Variants in IFT140 observed in about 807,000 individuals in gnomAD.
IFT140 encodes intraflagellar transport 140.
In IFT140, 133 loss-of-function variants were observed where a neutral mutation model predicts 164.6. The ratio of observed to expected loss-of-function variants is 0.81; its 90% CI spans 0.70 to 0.93. The LOEUF (loss-of-function observed/expected upper bound fraction) is 0.93, where lower values mean the gene tolerates loss of function less well. Among genes scored for constraint, IFT140 ranks in the 40% least tolerant of loss-of-function variants. IFT140 has a pLI of 0.00. For missense variants in IFT140, 2,045 were observed against 1,972.3 expected (o/e 1.04, Z -0.70); for synonymous variants, 860 against 817.3 (o/e 1.05, Z -0.89).
chr16:1,558,049 A>G lies in IFT140; in HGVS notation c.2285T>C (p.Phe762Ser), dbSNP rs1404476507. The change falls in exon 19 of 31, where the codon TTT becomes TCT. Residue 762 changes from phenylalanine to serine, a missense_variant. Phe to Ser is a radical substitution (Grantham distance 155). Transcript: ENST00000426508. ...CTTGTCGCAGTCCTCCAGCCCCACAAAGTCTCGCAGGGGTCTCCTGGACAC... is the reference window on the plus strand; with the variant it reads ...CTTGTCGCAGTCCTCCAGCCCCACAGAGTCTCGCAGGGGTCTCCTGGACAC... Reference protein sequence around the residue: ...QMVSRRPLRDFVGLEDCDKAT... With the variant: ...QMVSRRPLRDSVGLEDCDKAT... The G allele has an allele frequency of 1.2e-6, 2 of 1,614,030 alleles. No individual in the cohort carries two copies. Among genetic ancestry groups the G allele is most frequent in the East Asian group, 2.2e-5 (1 of 44,880 alleles).
intron 19 of IFT140, chr16:1,534,533 G>A: frequency 1.2e-6 from 2 of 1,605,010 alleles, no homozygotes; most frequent in Non-Finnish European, 1.7e-6. Flanking sequence ...CCGGCTTCCA[G>A]GAGTCCCGAG....
chr16:1,589,363 C>T (rs2035058093), intron 7 of IFT140, among the ~76,000 whole-genome samples: 1 of 152,184 alleles, frequency 6.6e-6, no homozygotes, highest in Admixed American at 6.5e-5. Flanking sequence ...CCCAGGCTGT[C>T]TCCCATCAGG....
In IFT140 at chr16:1,597,203, C is replaced by A. The variant is rs538668483; in HGVS notation, c.370-4615G>T. ...CCCTCAGACTTGGCTCGCAGGAGTT[C>A]CCCAGAAGGCGTGAGTGGCCTGGCC... On this transcript the variant is annotated intron_variant, in intron 4 of 30. Coordinates refer to ENST00000426508, the MANE Select transcript of IFT140 (RefSeq NM_014714.4). Among the ~76,000 whole-genome samples, 5 of 152,252 alleles carry A rather than the reference C, an allele frequency of 3.3e-5. 1 individual carries two copies. The South Asian group carries it at 1.0e-3, about 32-fold the overall frequency.
At chr16:1,580,495 T>C in intron 13 of IFT140, 1 of 370,566 alleles carries the variant, frequency 2.7e-6, no homozygotes, top group Non-Finnish European at 5.0e-6. Context: ...TCCGGCTATG[T>C]AGGATGTGCC....
intron 14 of IFT140, among the ~76,000 whole-genome samples, chr16:1,569,266 C>G (rs2033895225): frequency 6.6e-6 from 1 of 152,170 alleles, no homozygotes; most frequent in African/African-American, 2.4e-5. Flanking sequence ...CCTCAGCCTC[C>G]CAAAGTGTTG....
rs879235679 is a variant in IFT140, at chr16:1,588,112, T to A, written c.811-88A>T. ...GGAGCCTGGAGTCTCTGGTCCTCAG[T>A]GACTTCATGGAGACTCACCAAGTGG... is the stretch of plus-strand genomic sequence containing the variant. On this transcript the variant is annotated intron_variant, in intron 7 of 30. Coordinates refer to ENST00000426508, the MANE Select transcript of IFT140 (RefSeq NM_014714.4). 4.9e-6 allele frequency: 5 copies of A among 1,022,356 alleles called. No individual in the cohort carries two copies. The South Asian group carries it at 5.6e-5, about 12-fold the overall frequency. The allele number at this position is 1,022,356 out of a possible 1,614,324, so 63.3% of individuals were successfully genotyped here. A position where few individuals can be genotyped will look rare whatever the true frequency, so the allele number is the denominator to read the frequency against.
chr16:1,521,818 T>A (rs1228424009), intron 26 of IFT140, among the ~76,000 whole-genome samples: 1 of 148,450 alleles, frequency 6.7e-6, no homozygotes, highest in Non-Finnish European at 1.5e-5. Context: ...CCTAGGAGTT[T>A]GAGACCAGCC....
In IFT140 at chr16:1,564,120, G is replaced by A. The variant is rs763449097; in HGVS notation, c.1944C>T (p.Pro648=). ...FVDEGLKNYV[P]VNHFWDQSEP... ...CACTCTGGTCCCAGAAGTGGTTCAC[G>A]GGAACATAATTTTTCAGTCCCTCAT... The change falls in exon 17 of 31, where the codon CCC becomes CCT. Residue 648 remains proline, a synonymous_variant. Transcript: ENST00000426508. The surrounding 1 kb of genome is among the most constrained non-coding windows in gnomAD (Gnocchi z 5.5). 8.8e-6 allele frequency: 14 copies of A among 1,591,576 alleles called. No homozygotes were observed. The highest frequency in any genetic ancestry group is 1.7e-4 in the Middle Eastern group (1 of 5,998).
chr16:1,524,870 T>C lies in IFT140; in HGVS notation c.2911A>G (p.Met971Val). 1 of 1,612,350 alleles carries C rather than the reference T, an allele frequency of 6.2e-7. No homozygotes were observed. Among genetic ancestry groups the C allele is most frequent in the Non-Finnish European group, 8.5e-7 (1 of 1,179,338 alleles). ...TCGTAGTAGTGCAGCGCGGCGTCCA[T>C]CTCGCCCTGGCTCTCCAGGTACTGC... Reference protein sequence around the residue: ...WAQYLESQGEMDAALHYYELA... With the variant: ...WAQYLESQGEVDAALHYYELA... The change falls in exon 23 of 31, where the codon ATG becomes GTG. Residue 971 changes from methionine (M) to valine (V), a missense_variant. Coordinates refer to ENST00000426508, the MANE Select transcript of IFT140 (RefSeq NM_014714.4).
chr16:1,563,298 T>A (rs1462123631), intron 17 of IFT140, among the ~76,000 whole-genome samples: 1 of 143,974 alleles, frequency 6.9e-6, no homozygotes, highest in African/African-American at 2.5e-5. Flanking sequence ...GCAGATAACT[T>A]TTTTTTTTTC....
At chr16:1,595,384 G>A (rs552780033) in intron 4 of IFT140, among the ~76,000 whole-genome samples, 24 of 152,160 alleles carry the variant, frequency 1.6e-4, no homozygotes, top group Non-Finnish European at 2.6e-4. Context: ...TTGGGAGGCC[G>A]AGGCAAGCAG....
rs369246649 is a variant in IFT140, at chr16:1,583,400, C to T, written c.1360-14G>A. The T allele has an allele frequency of 3.0e-4, 478 of 1,613,254 alleles. 4 individuals carry two copies. The highest frequency in any genetic ancestry group is 3.3e-4 in the South Asian group (30 of 91,070). On this transcript the variant is annotated splice_polypyrimidine_tract_variant and intron_variant, in intron 11 of 30. Coordinates refer to ENST00000426508, the MANE Select transcript of IFT140 (RefSeq NM_014714.4). ...TGCGACAGCATCCTGAAAAGAACCA[C>T]GGACATTCGAGGCAAAGGGCGGGAA...
At chr16:1,526,176 ACCG>A (rs1445085228) in intron 20 of IFT140, 99 bp from the exon 21 acceptor site, 17 of 1,123,898 alleles carry the variant, frequency 1.5e-5, no homozygotes, top group Non-Finnish European at 2.1e-5. Context: ...ACCTTCCCAC[ACCG>A]CCAAGCACAC....
chr16:1,564,421 C>T lies in IFT140; in HGVS notation c.1902-259G>A, dbSNP rs531519924. Among the ~76,000 whole-genome samples, 9 of 152,180 alleles carry T rather than the reference C, an allele frequency of 5.9e-5. No homozygotes were observed. Among genetic ancestry groups the T allele is most frequent in the African/African-American group, 2.2e-4 (9 of 41,450 alleles). ...AAAGATGACGCTTTGATTCTGGAGG[C>T]CTTATGGGGGCCCAGAAGAATCCCC... is the stretch of plus-strand genomic sequence containing the variant. On this transcript the variant is annotated intron_variant, in intron 16 of 30. Coordinates refer to ENST00000426508, the MANE Select transcript of IFT140 (RefSeq NM_014714.4). This position sits in a 1 kb window ranked among gnomAD's most constrained non-coding sequence, Gnocchi z 5.5.
At chr16:1,516,613 C>CA (rs925237337) in intron 30 of IFT140, among the ~76,000 whole-genome samples, 2 of 151,376 alleles carry the variant, frequency 1.3e-5, no homozygotes. Flanking sequence ...ACTAAAAATA[C>CA]AAAAAAATTA....
chr16:1,517,597 A>AT (rs566376249), intron 30 of IFT140, among the ~76,000 whole-genome samples: 51 of 152,332 alleles, frequency 3.3e-4, no homozygotes, highest in Admixed American at 1.2e-3. Context: ...CTGCGGCTGA[A>AT]TAAGTGATTA....
chr16:1,546,554 TA>T (rs1165188765), intron 19 of IFT140, among the ~76,000 whole-genome samples: 8 of 152,148 alleles, frequency 5.3e-5, no homozygotes, highest in Non-Finnish European at 1.2e-4. Flanking sequence ...CCCTGCTGGG[TA>T]ACATGCATGC....
At chr16:1,591,145 C>T (rs1034723223) in intron 6 of IFT140, among the ~76,000 whole-genome samples, 8 of 152,202 alleles carry the variant, frequency 5.3e-5, no homozygotes, top group African/African-American at 1.4e-4. Context: ...GGCAGGAATT[C>T]GCAGCCCACA....
chr16:1,525,167 C>A (rs2040647421), intron 22 of IFT140, 64 bp downstream of exon 22: 10 of 1,367,314 alleles, frequency 7.3e-6, no homozygotes, highest in Non-Finnish European at 1.0e-5. Flanking sequence ...CTCAGCAAGC[C>A]CTGGGGTCCC....
Sources: gnomAD v4.1 joint callset for allele counts (sites outside exome capture counted in the v4.1 genomes callset) on GRCh38, gnomAD v4.1.1 for gene constraint, Gnocchi (gnomAD v3.1) non-coding constraint, MANE v1.5 for transcripts, NCBI Gene and HGNC (gene_info 2026-07-23, HGNC 2026-07-21) for gene names.